MAST4: variants seen among roughly 807,000 people sequenced by gnomAD.
MAST4 encodes the protein microtubule associated serine/threonine kinase family member 4.
In MAST4, 89 loss-of-function variants were observed where a neutral mutation model predicts 162.7. The ratio of observed to expected loss-of-function variants is 0.55; its 90% CI spans 0.46 to 0.65. The LOEUF (loss-of-function observed/expected upper bound fraction) is 0.65. MAST4 is among the 30% of genes least tolerant of loss of function. The pLI, the probability that MAST4 is intolerant of heterozygous loss-of-function variation, is 0.00. For synonymous variants in MAST4, 1,479 were observed against 1,361.1 expected, an observed-to-expected ratio of 1.09 and a Z score of -1.91; for missense variants, 3,153 against 3,374.0, an observed-to-expected ratio of 0.93 and a Z score of 1.62.
rs1467252351 is a variant in MAST4 at position 67,165,698 on chromosome 5, C to G, written c.6519C>G (p.Ser2173Arg). Residue 2173 changes from serine to arginine, a missense_variant, in exon 29 of 29, where the codon AGC becomes AGG. By Grantham distance (110) the Ser-to-Arg change is moderately radical. Transcript: ENST00000403625. ...PGAKPSTAEPSSSPQDPPKPV... is the reference protein window; with the variant it reads ...PGAKPSTAEPRSSPQDPPKPV... Reference sequence around the variant, plus strand: ...CCAAGCCCAGCACTGCAGAGCCCAGCTCGAGCCCCCAGGACCCTCCCAAGC... The same window carrying G: ...CCAAGCCCAGCACTGCAGAGCCCAGGTCGAGCCCCCAGGACCCTCCCAAGC... The G allele has an allele frequency of 6.3e-7, 1 of 1,579,614 alleles. No homozygotes were observed. The highest frequency in any genetic ancestry group is 8.6e-7 in the Non-Finnish European group (1 of 1,163,886).
At chr5:66,612,254 G>A (rs1285226853) in intron 1 of MAST4, among the ~76,000 whole-genome samples, 1 of 152,130 alleles carries the variant, frequency 6.6e-6, no homozygotes, top group Admixed American at 6.5e-5. Flanking sequence ...AACTTCTGAA[G>A]GGCAGAAAAG....
intron 1 of MAST4, among the ~76,000 whole-genome samples, chr5:66,612,089 G>A (rs139364561): frequency 2.0e-5 from 3 of 152,328 alleles, no homozygotes; most frequent in African/African-American, 7.2e-5. Flanking sequence ...GGTTTTATGT[G>A]TATGGCTTGT....
At chr5:66,869,755 G>C (rs1288609121) in intron 3 of MAST4, among the ~76,000 whole-genome samples, 2 of 152,164 alleles carry the variant, frequency 1.3e-5, no homozygotes, top group African/African-American at 4.8e-5. Context: ...ACCCTCCTCT[G>C]TTAAGAGATC....
intron 3 of MAST4, among the ~76,000 whole-genome samples, chr5:66,866,074 C>CAA (rs57347322): frequency 0.29 from 33,205 of 115,272 alleles, 5,142 homozygotes; most frequent in East Asian, 0.53. Context: ...ATCTCCATCT[C>CAA]AAAAAAAAAA....
chr5:67,130,710 G>A (rs527290748), intron 15 of MAST4, among the ~76,000 whole-genome samples: 1 of 152,222 alleles, frequency 6.6e-6, no homozygotes, highest in South Asian at 2.1e-4. Context: ...TATAGGTGAT[G>A]GGATTTTTTT....
chr5:67,120,898 G>A, intron 13 of MAST4, 119 bp from the exon 14 acceptor site: 2 of 691,668 alleles, frequency 2.9e-6, no homozygotes, highest in Non-Finnish European at 4.8e-6. Flanking sequence ...TCCTGTGGCT[G>A]GAATACTGTA....
intron 4 of MAST4, among the ~76,000 whole-genome samples, chr5:67,012,795 T>C (rs1361671396): frequency 6.6e-6 from 1 of 152,240 alleles, no homozygotes; most frequent in African/African-American, 2.4e-5. Context: ...AAAATGTTGA[T>C]CTTAAACCTT....
At chr5:66,928,964 T>C (rs1741842489) in intron 4 of MAST4, among the ~76,000 whole-genome samples, 1 of 152,148 alleles carries the variant, frequency 6.6e-6, no homozygotes. Flanking sequence ...TAACCCAAAG[T>C]CTGTGTGTAT....
At chr5:66,880,237 G>A (rs2149902491) in intron 3 of MAST4, among the ~76,000 whole-genome samples, 1 of 152,232 alleles carries the variant, frequency 6.6e-6, no homozygotes, top group South Asian at 2.1e-4. Context: ...GTACTCATTG[G>A]CTTATGTAGT....
chr5:67,165,797 G>A lies in MAST4; in HGVS notation c.6618G>A (p.Lys2206=). ...PGPDPGPPKT[K]HPDRSLSSQK... ...CTGACCCGGGCCCTCCAAAGACTAA[G>A]CACCCCGACCGGTCCCTCTCCTCTC... Residue 2206 remains lysine, a synonymous_variant, in exon 29 of 29, where the codon AAG becomes AAA. Coordinates refer to ENST00000403625, the MANE Select transcript of MAST4 (RefSeq NM_001164664.2). 1.2e-6 allele frequency: 2 copies of A among 1,609,954 alleles called. No homozygotes were observed. Among genetic ancestry groups the A allele is most frequent in the African/African-American group, 1.3e-5 (1 of 74,944 alleles).
intron 1 of MAST4, among the ~76,000 whole-genome samples, chr5:66,656,860 C>T (rs1746583885): frequency 6.6e-6 from 1 of 152,066 alleles, no homozygotes. Context: ...AGGAAAAACA[C>T]CTTTGTTTAT....
intron 1 of MAST4, among the ~76,000 whole-genome samples, chr5:66,605,295 A>C (rs1742813385): frequency 6.6e-6 from 1 of 152,212 alleles, no homozygotes. Context: ...AAAGAAATAC[A>C]GAAAGGTTTT....
intron 4 of MAST4, among the ~76,000 whole-genome samples, chr5:67,008,377 C>T (rs946651312): frequency 3.3e-5 from 5 of 152,172 alleles, no homozygotes; most frequent in African/African-American, 1.2e-4. Flanking sequence ...TTTATAGCAT[C>T]TTTTCTTTGC....
Position 67,100,550 on chromosome 5 carries a change from G to C in MAST4, c.1028G>C (p.Arg343Thr). The C allele has an allele frequency of 6.2e-7, 1 of 1,613,950 alleles. No individual in the cohort carries two copies. Among genetic ancestry groups the C allele is most frequent in the Non-Finnish European group, 8.5e-7 (1 of 1,179,848 alleles). ...CTTESIATEN[R>T]CRNTPMRPRS... Reference sequence around the variant, plus strand: ...ACCGAAAGCATCGCCACTGAGAACAGATGCAGGAACACGCCGATGCGCCCC... The same window carrying C: ...ACCGAAAGCATCGCCACTGAGAACACATGCAGGAACACGCCGATGCGCCCC... Residue 343 changes from arginine to threonine, a missense_variant, in exon 8 of 29, where the codon AGA becomes ACA. Physicochemically the swap from Arg to Thr is moderately conservative, Grantham distance 71. This residue lies in a region of MAST4 where 360 missense variants were observed against 450.0 expected (regional missense o/e 0.80). Coordinates refer to ENST00000403625, the MANE Select transcript of MAST4 (RefSeq NM_001164664.2).
chr5:67,090,353 C>CTT, intron 6 of MAST4, 122 bp downstream of exon 6: 1 of 430,910 alleles, frequency 2.3e-6, no homozygotes, highest in African/African-American at 2.9e-5. Flanking sequence ...CTCCCCACTT[C>CTT]CCCTTCCCCC....
At chr5:66,880,773 T>G (rs1220629628) in intron 3 of MAST4, among the ~76,000 whole-genome samples, 2 of 152,196 alleles carry the variant, frequency 1.3e-5, no homozygotes, top group African/African-American at 4.8e-5. Context: ...TAAGGTATGA[T>G]AGAAACACAG....
intron 4 of MAST4, among the ~76,000 whole-genome samples, chr5:66,903,181 G>A (rs188514806): frequency 2.0e-5 from 3 of 152,238 alleles, no homozygotes; most frequent in Admixed American, 2.0e-4. Context: ...TTATGATAAA[G>A]GCCACTTACT....
chr5:66,923,552 C>T (rs1428645689), intron 4 of MAST4, among the ~76,000 whole-genome samples: 2 of 152,212 alleles, frequency 1.3e-5, no homozygotes, highest in Non-Finnish European at 2.9e-5. Flanking sequence ...TTGTGGCTAT[C>T]ACGTTGTTCT....
At chr5:66,919,099 A>AACACACAC (rs56340246) in intron 4 of MAST4, among the ~76,000 whole-genome samples, 13,935 of 142,084 alleles carry the variant, frequency 0.098, 826 homozygotes, top group African/African-American at 0.15. Flanking sequence ...CGAGACTCTC[A>AACACACAC]ACACACACAC....
Sources: gnomAD v4.1 joint callset for allele counts (sites outside exome capture counted in the v4.1 genomes callset) on GRCh38, gnomAD v4.1.1 for gene constraint, gnomAD v4.1.1 regional missense constraint, MANE v1.5 for transcripts, NCBI Gene and HGNC (gene_info 2026-07-23, HGNC 2026-07-21) for gene names.